The following RASGRP1 variants were observed in gnomAD, a reference collection of about 807,000 sequenced individuals.
RASGRP1 encodes the protein RAS guanyl-releasing protein 1.
Under a neutral mutation model 95.1 loss-of-function variants are expected in RASGRP1, and 37 were observed. That is an observed-to-expected ratio of 0.39 (90% confidence interval 0.30 to 0.51). The LOEUF is 0.51. RASGRP1 is among the 20% of genes least tolerant of loss of function. The pLI, the probability that RASGRP1 is intolerant of heterozygous loss-of-function variation, is 0.80. For missense variants in RASGRP1, 711 were observed against 965.4 expected, an observed-to-expected ratio of 0.74 and a Z score of 3.49; for synonymous variants, 325 against 353.4, an observed-to-expected ratio of 0.92 and a Z score of 0.90.
chr15:38,542,440 G>A (rs759072897), intron 2 of RASGRP1, among the ~76,000 whole-genome samples: 26 of 151,936 alleles, frequency 1.7e-4, no homozygotes, highest in Non-Finnish European at 3.4e-4. Context: ...ATGGAGCAGA[G>A]AATTTGCATT....
intron 16 of RASGRP1, among the ~76,000 whole-genome samples, chr15:38,491,371 G>T (rs62002957): frequency 0.011 from 1,742 of 152,262 alleles, 20 homozygotes; most frequent in Non-Finnish European, 0.019. Flanking sequence ...CCATATAATA[G>T]TGAGCACTTG....
intron 3 of RASGRP1, among the ~76,000 whole-genome samples, chr15:38,520,152 G>A (rs561558983): frequency 9.2e-5 from 14 of 152,306 alleles, no homozygotes; most frequent in Admixed American, 6.5e-4. Context: ...TGATGAGCCC[G>A]AATAGGTCCT....
intron 2 of RASGRP1, among the ~76,000 whole-genome samples, chr15:38,540,641 C>T (rs573227076): frequency 6.6e-6 from 1 of 152,256 alleles, no homozygotes; most frequent in East Asian, 1.9e-4. Flanking sequence ...ATGTTAATGT[C>T]TCTGGCATTT....
intron 2 of RASGRP1, among the ~76,000 whole-genome samples, chr15:38,546,726 T>G (rs1314246256): frequency 6.6e-6 from 1 of 152,156 alleles, no homozygotes; most frequent in Admixed American, 6.5e-5. Flanking sequence ...AAAGGCTATT[T>G]CTGTTGAGGC....
At chr15:38,514,337 G>C (rs1039912105) in intron 6 of RASGRP1, among the ~76,000 whole-genome samples, 3 of 152,102 alleles carry the variant, frequency 2.0e-5, no homozygotes, top group African/African-American at 7.2e-5. Context: ...CTAAAAGAAA[G>C]TAGCCACAAC....
intron 10 of RASGRP1, chr15:38,504,137 T>G (rs1040101059): frequency 6.6e-6 from 1 of 152,212 alleles, no homozygotes; most frequent in African/African-American, 2.4e-5. Context: ...TAACCATGAA[T>G]AGAGCTTTCA....
intron 2 of RASGRP1, among the ~76,000 whole-genome samples, chr15:38,530,961 CA>C (rs1484837754): frequency 6.6e-6 from 1 of 152,106 alleles, no homozygotes; most frequent in East Asian, 1.9e-4. Flanking sequence ...GGATTGGGCA[CA>C]ACATGTGGCA....
chr15:38,498,384 T>C (rs1202970666), intron 15 of RASGRP1, among the ~76,000 whole-genome samples: 3 of 152,130 alleles, frequency 2.0e-5, no homozygotes, highest in African/African-American at 2.4e-5. Context: ...ATGTGATTTA[T>C]ATATTATATA....
intron 14 of RASGRP1, among the ~76,000 whole-genome samples, chr15:38,499,533 T>A (rs562542385): frequency 1.3e-5 from 2 of 152,216 alleles, no homozygotes; most frequent in Non-Finnish European, 2.9e-5. Flanking sequence ...AGAAAATGCC[T>A]ATCTGTGCAA....
chr15:38,551,220 T>C (rs1230368189), intron 2 of RASGRP1, among the ~76,000 whole-genome samples: 2 of 152,334 alleles, frequency 1.3e-5, no homozygotes, highest in South Asian at 2.1e-4. Context: ...CCTAAGAATA[T>C]TGACTCTTCA....
intron 1 of RASGRP1, among the ~76,000 whole-genome samples, chr15:38,560,956 T>C (rs1893784257): frequency 6.6e-6 from 1 of 152,212 alleles, no homozygotes; most frequent in South Asian, 2.1e-4. Context: ...GTTGATTGTC[T>C]TCTCCATTAA....
chr15:38,530,910 A>G (rs1440784676), intron 2 of RASGRP1, among the ~76,000 whole-genome samples: 1 of 152,192 alleles, frequency 6.6e-6, no homozygotes, highest in African/African-American at 2.4e-5. Context: ...GGGGCCACAA[A>G]AGGCAGCACC....
Position 38,550,477 on chromosome 15 carries a change from T to C in RASGRP1, c.220+9344A>G, listed in dbSNP as rs531869368. Among the ~76,000 whole-genome samples, 47 of 152,294 alleles carry C rather than the reference T, an allele frequency of 3.1e-4. No individual in the cohort carries two copies. In the South Asian group the frequency reaches 9.3e-3, roughly 30 times the overall value. ...ATTAGCATGTAGCATTGAAAAGAAC[T>C]GAGTACTCTTCTTTTCTTGTAATGT... On this transcript the variant is annotated intron_variant, in intron 2 of 16. Coordinates refer to ENST00000310803, the MANE Select transcript of RASGRP1 (RefSeq NM_005739.4).
At chr15:38,492,988 C>T (rs909524751) in intron 16 of RASGRP1, among the ~76,000 whole-genome samples, 1 of 151,776 alleles carries the variant, frequency 6.6e-6, no homozygotes, top group Admixed American at 6.6e-5. Flanking sequence ...TCATGCCATC[C>T]TCCTGCCTCA....
intron 1 of RASGRP1, among the ~76,000 whole-genome samples, chr15:38,562,906 A>G (rs1036127742): frequency 2.0e-5 from 3 of 152,232 alleles, no homozygotes; most frequent in African/African-American, 7.2e-5. Flanking sequence ...TGCTTTTACC[A>G]GAACTAGAAG....
At chr15:38,519,428 C>T in intron 3 of RASGRP1, 57 bp from the exon 4 acceptor site, 1 of 1,284,798 alleles carries the variant, frequency 7.8e-7, no homozygotes, top group Admixed American at 2.2e-5. Flanking sequence ...AACGACTTTT[C>T]ATCTTTGGAA....
chr15:38,540,617 T>C (rs1244240937), intron 2 of RASGRP1, among the ~76,000 whole-genome samples: 4 of 152,220 alleles, frequency 2.6e-5, no homozygotes, highest in African/African-American at 9.6e-5. Context: ...AGATTTAGAC[T>C]GTCCCTTTAA....
intron 2 of RASGRP1, chr15:38,534,096 C>T (rs1377554702): frequency 6.6e-6 from 1 of 152,402 alleles, no homozygotes; most frequent in Non-Finnish European, 1.5e-5. Flanking sequence ...TTCCTGAACC[C>T]ATTCCACTCC....
At chr15:38,516,063 A>G (rs1042558765) in intron 6 of RASGRP1, 134 bp downstream of exon 6, 8 of 1,029,744 alleles carry the variant, frequency 7.8e-6, no homozygotes, top group East Asian at 7.4e-5. Context: ...TTCAGACTCT[A>G]TGATGTCTGG....
Sources: gnomAD v4.1 joint callset for allele counts (sites outside exome capture counted in the v4.1 genomes callset) on GRCh38, gnomAD v4.1.1 for gene constraint, MANE v1.5 for transcripts, NCBI Gene and HGNC (gene_info 2026-07-23, HGNC 2026-07-21) for gene names.